The following SLC17A1 variants were observed in gnomAD, a reference collection of about 807,000 sequenced individuals.
The protein encoded by SLC17A1 is sodium-dependent phosphate transport protein 1.
In SLC17A1, 51 loss-of-function variants were observed where a neutral mutation model predicts 53.5. The ratio of observed to expected loss-of-function variants is 0.95; its 90% CI spans 0.76 to 1.20. The LOEUF (loss-of-function observed/expected upper bound fraction) is 1.20. Among genes scored for constraint, SLC17A1 ranks in the 50% most tolerant of loss-of-function variants. The probability of loss-of-function intolerance (pLI) is 0.00; values close to 1 mark genes in which losing one functional copy is unlikely to be tolerated. For synonymous variants in SLC17A1, 179 were observed against 198.8 expected (o/e 0.90, Z 0.84); for missense variants, 538 against 568.2 (o/e 0.95, Z 0.54).
At chr6:25,760,311 G>A in the SLC17A1 span, among the ~76,000 whole-genome samples, 45,373 of 151,842 alleles carry the variant, frequency 0.3, 7,748 homozygotes, top group East Asian at 0.74. Flanking sequence ...AAGAAGTTGA[G>A]CAAATGCTAC....
the SLC17A1 span, among the ~76,000 whole-genome samples, chr6:25,736,759 T>C: frequency 6.6e-6 from 1 of 152,230 alleles, no homozygotes; most frequent in Admixed American, 6.5e-5. Flanking sequence ...CATATTTAAC[T>C]AAATTGTTCT....
At chr6:25,776,849 C>G in the SLC17A1 span, 48 of 1,613,874 alleles carry the variant, frequency 3.0e-5, no homozygotes, top group South Asian at 4.6e-4. Flanking sequence ...TGTCCCTGCC[C>G]TGGGTCAGAT....
chr6:25,779,139 G>T (rs369079605), downstream of SLC17A1: 3 of 1,613,822 alleles, frequency 1.9e-6, no homozygotes, highest in South Asian at 1.1e-5. Context: ...ATCTTTGGCC[G>T]AGCAGATGTG....
At chr6:25,828,901 A>T (rs1764846280) in intron 2 of SLC17A1, among the ~76,000 whole-genome samples, 1 of 152,174 alleles carries the variant, frequency 6.6e-6, no homozygotes. Context: ...AAATTGTGGA[A>T]TACTCTTTAG....
At chr6:25,831,690 C>G (rs1167695160) in intron 1 of SLC17A1, among the ~76,000 whole-genome samples, 1 of 152,050 alleles carries the variant, frequency 6.6e-6, no homozygotes. Context: ...CACAGATGCA[C>G]CAGGCGTACA....
chr6:25,733,491 T>C, the SLC17A1 span, among the ~76,000 whole-genome samples: 3 of 152,166 alleles, frequency 2.0e-5, no homozygotes, highest in East Asian at 5.8e-4. Flanking sequence ...GATGGTTATA[T>C]GTCTAGAAGA....
At chr6:25,775,820 A>G in the SLC17A1 span, among the ~76,000 whole-genome samples, 4 of 152,184 alleles carry the variant, frequency 2.6e-5, no homozygotes, top group Admixed American at 2.6e-4. Context: ...TTAAAATACA[A>G]AACAGTATAC....
downstream of SLC17A1, chr6:25,778,959 G>C: frequency 3.3e-6 from 5 of 1,514,940 alleles, no homozygotes; most frequent in South Asian, 6.3e-5. Context: ...GTGGAGGTCG[G>C]GGAGGGAGCA....
At chr6:25,800,378 G>A (rs1763719578) in intron 11 of SLC17A1, among the ~76,000 whole-genome samples, 1 of 151,638 alleles carries the variant, frequency 6.6e-6, no homozygotes, top group East Asian at 1.9e-4. Context: ...TACTTTTTTT[G>A]CAGATGAGGC....
the SLC17A1 span, among the ~76,000 whole-genome samples, chr6:25,774,870 G>A: frequency 7.9e-5 from 12 of 152,184 alleles, no homozygotes; most frequent in Admixed American, 5.9e-4. Flanking sequence ...CTCGGCTTAC[G>A]CATCTGTAAA....
the SLC17A1 span, among the ~76,000 whole-genome samples, chr6:25,724,435 A>C: frequency 4.6e-5 from 7 of 152,336 alleles, no homozygotes; most frequent in African/African-American, 1.7e-4. Flanking sequence ...AAAAAAGAAG[A>C]ATCAGAAACT....
intron 3 of SLC17A1, among the ~76,000 whole-genome samples, chr6:25,824,422 A>G (rs986932895): frequency 6.6e-6 from 1 of 151,878 alleles, no homozygotes; most frequent in African/African-American, 2.4e-5. Flanking sequence ...CAAAAAATTT[A>G]AAAAAGAATA....
At chr6:25,770,370 AT>A in the SLC17A1 span, 4 of 1,613,880 alleles carry the variant, frequency 2.5e-6, no homozygotes, top group Non-Finnish European at 3.4e-6. Context: ...CAAGAATGGA[AT>A]TTTTCCCCCC....
the SLC17A1 span, chr6:25,732,454 C>T: frequency 6.7e-6 from 2 of 299,520 alleles, no homozygotes; most frequent in South Asian, 3.8e-5. Context: ...ATGTCTTAGA[C>T]TAGGGAAACT....
At chr6:25,830,104 A>T in intron 2 of SLC17A1, among the ~76,000 whole-genome samples, 1 of 152,172 alleles carries the variant, frequency 6.6e-6, no homozygotes, top group Non-Finnish European at 1.5e-5. Flanking sequence ...TCATTACACT[A>T]CCCTGCCTAA....
the SLC17A1 span, among the ~76,000 whole-genome samples, chr6:25,731,447 T>C: frequency 2.6e-5 from 4 of 152,130 alleles, no homozygotes; most frequent in African/African-American, 9.7e-5. Context: ...GTAGAGTGTT[T>C]GTAGTAGAAA....
intron 3 of SLC17A1, among the ~76,000 whole-genome samples, chr6:25,824,408 TAAAC>T (rs1038164590): frequency 1.3e-5 from 2 of 151,650 alleles, no homozygotes; most frequent in African/African-American, 4.8e-5. Flanking sequence ...AATAAATAAA[TAAAC>T]AAAAAATTTA....
intron 10 of SLC17A1, among the ~76,000 whole-genome samples, chr6:25,809,019 T>G (rs1258331122): frequency 6.6e-6 from 1 of 152,012 alleles, no homozygotes; most frequent in African/African-American, 2.4e-5. Flanking sequence ...AACAGATGAT[T>G]GGATGAGGAA....
chr6:25,781,732 T>C (rs1277609401), downstream of SLC17A1, among the ~76,000 whole-genome samples: 1 of 151,904 alleles, frequency 6.6e-6, no homozygotes, highest in Non-Finnish European at 1.5e-5. Context: ...AACAAGCAGC[T>C]CTTGTAGGAA....
Sources: gnomAD v4.1 joint callset for allele counts (sites outside exome capture counted in the v4.1 genomes callset) on GRCh38, gnomAD v4.1.1 for gene constraint, MANE v1.5 for transcripts, NCBI Gene and HGNC (gene_info 2026-07-23, HGNC 2026-07-21) for gene names.